Variants in TCEA1 observed in about 807,000 individuals in gnomAD.
TCEA1 encodes the protein transcription elongation factor A protein 1.
A neutral mutation model predicts 43.8 loss-of-function variants in TCEA1; 21 were observed. The ratio of observed to expected loss-of-function variants is 0.48; its 90% confidence interval spans 0.34 to 0.69. The LOEUF is 0.69. Among genes scored for constraint, TCEA1 ranks in the 30% least tolerant of loss-of-function variants. The pLI, the probability that TCEA1 is intolerant of heterozygous loss-of-function variation, is 0.01. For synonymous variants in TCEA1, 104 were observed against 117.5 expected, an observed-to-expected ratio of 0.88 and a Z score of 0.75; for missense variants, 250 against 365.1, an observed-to-expected ratio of 0.68 and a Z score of 2.57.
chr8:54,020,518 C>G (rs572696159), intron 1 of TCEA1, among the ~76,000 whole-genome samples: 2 of 152,318 alleles, frequency 1.3e-5, no homozygotes, highest in East Asian at 1.9e-4. Flanking sequence ...TGAAGTCTTA[C>G]GTATTTAGTG....
At chr8:53,972,318 G>A (rs1369812120) in intron 8 of TCEA1, 1 of 460,518 alleles carries the variant, frequency 2.2e-6, no homozygotes, top group Non-Finnish European at 4.2e-6. Context: ...AGAGGAGGAT[G>A]AAGAGAATGG....
At chr8:54,018,576 G>A (rs1293343558) in intron 1 of TCEA1, among the ~76,000 whole-genome samples, 1 of 152,178 alleles carries the variant, frequency 6.6e-6, no homozygotes, top group Non-Finnish European at 1.5e-5. Context: ...GCCAGGATTT[G>A]AACCCACATT....
chr8:54,000,788 TCA>T lies in TCEA1; in HGVS notation c.127-740_127-739del, dbSNP rs1386711155. Among the ~76,000 whole-genome samples, 3 of 147,104 alleles carry T rather than the reference TCA, an allele frequency of 2.0e-5. No homozygotes were observed. The East Asian group carries it at 5.9e-4, about 29-fold the overall frequency. On this transcript the variant is annotated intron_variant, in intron 2 of 9. Transcript: ENST00000521604. ...TTTTTTTTTTTTTTGAGACGGACTC[TCA>T]CTCTGTCACCCAGGCTGGAGTGCAG...
At chr8:53,997,390 G>A (rs1217812553) in intron 3 of TCEA1, among the ~76,000 whole-genome samples, 7 of 152,164 alleles carry the variant, frequency 4.6e-5, no homozygotes, top group Non-Finnish European at 8.8e-5. Context: ...TCTTAAAAGT[G>A]TCTCCCACAG....
At chr8:54,000,330 G>A (rs546143964) in intron 2 of TCEA1, among the ~76,000 whole-genome samples, 2 of 152,270 alleles carry the variant, frequency 1.3e-5, no homozygotes, top group African/African-American at 4.8e-5. Flanking sequence ...TTCCACAAGG[G>A]AGAAGTGAAG....
intron 8 of TCEA1, 76 bp downstream of exon 8, chr8:53,978,949 A>C (rs1419119912): frequency 1.4e-6 from 2 of 1,463,800 alleles, no homozygotes; most frequent in Non-Finnish European, 1.8e-6. Context: ...ACTGGTAATT[A>C]TCTTTGCTAT....
At chr8:54,009,478 A>G (rs1804581076) in intron 2 of TCEA1, among the ~76,000 whole-genome samples, 2 of 152,332 alleles carry the variant, frequency 1.3e-5, no homozygotes, top group South Asian at 2.1e-4. Flanking sequence ...ACACAATGAA[A>G]TACCATCAGT....
intron 8 of TCEA1, among the ~76,000 whole-genome samples, chr8:53,977,115 C>G (rs1405176606): frequency 6.6e-6 from 1 of 152,060 alleles, no homozygotes; most frequent in Non-Finnish European, 1.5e-5. Flanking sequence ...GTCAGGAGAT[C>G]GAGACCACCC....
chr8:54,018,941 T>C (rs1259777669), intron 1 of TCEA1, among the ~76,000 whole-genome samples: 1 of 152,206 alleles, frequency 6.6e-6, no homozygotes, highest in Non-Finnish European at 1.5e-5. Flanking sequence ...CAAAACAGAT[T>C]TAGATTCACA....
chr8:54,017,056 C>G (rs539452914), intron 1 of TCEA1, among the ~76,000 whole-genome samples: 10 of 150,790 alleles, frequency 6.6e-5, no homozygotes, highest in African/African-American at 2.4e-4. Flanking sequence ...TATAATTTCA[C>G]TGACAGAAAA....
Position 53,967,558 on chromosome 8 carries a change from G to A in TCEA1, c.*546C>T, listed in dbSNP as rs1434814950. 1.5e-5 allele frequency: 3 copies of A among 197,156 alleles called. No individual in the cohort carries two copies. Among genetic ancestry groups the A allele is most frequent in the African/African-American group, 2.3e-5 (1 of 43,266 alleles). The allele number at this position is 197,156 out of a possible 1,614,324, so 12.2% of individuals were successfully genotyped here. On this transcript the variant is annotated 3_prime_UTR_variant, in exon 10 of 10. Transcript: ENST00000521604. ...ATAATATCTAATATTCCAAGCTTGTGAACATAATAATTAAAATCAAATTCA... is the reference window on the plus strand; with the variant it reads ...ATAATATCTAATATTCCAAGCTTGTAAACATAATAATTAAAATCAAATTCA...
At chr8:53,974,709 A>G (rs1415985241) in intron 8 of TCEA1, among the ~76,000 whole-genome samples, 3 of 152,052 alleles carry the variant, frequency 2.0e-5, no homozygotes, top group African/African-American at 7.2e-5. Context: ...TTGTATTTTT[A>G]GTAGAGATGG....
chr8:54,008,985 G>T (rs1316881314), intron 2 of TCEA1, among the ~76,000 whole-genome samples: 1 of 151,492 alleles, frequency 6.6e-6, no homozygotes. Context: ...AAATAGCTGG[G>T]ACTACAGGTA....
intron 1 of TCEA1, among the ~76,000 whole-genome samples, chr8:54,021,246 A>G (rs1389605809): frequency 1.3e-5 from 2 of 152,206 alleles, no homozygotes; most frequent in East Asian, 3.8e-4. Flanking sequence ...TGAAAGTGCC[A>G]CACAAATGGG....
chr8:53,966,859 A>G lies in TCEA1; in HGVS notation c.*1245T>C, dbSNP rs940315380. 2.5e-5 allele frequency: 5 copies of G among 203,686 alleles called. No homozygotes were observed. Among genetic ancestry groups the G allele is most frequent in the African/African-American group, 4.6e-5 (2 of 43,574 alleles). The allele number at this position is 203,686 out of a possible 1,614,324, so 12.6% of individuals were successfully genotyped here. A position where few individuals can be genotyped will look rare whatever the true frequency, so the allele number is the denominator to read the frequency against. ...TGAGGTCTTTCTACGGGTGCCTGAC[A>G]GAATGCAGATTCAGCATAAAATGTA... On this transcript the variant is annotated 3_prime_UTR_variant, in exon 10 of 10. Coordinates refer to ENST00000521604, the MANE Select transcript of TCEA1 (RefSeq NM_006756.4).
intron 3 of TCEA1, among the ~76,000 whole-genome samples, chr8:53,998,711 C>G (rs1405136766): frequency 6.6e-6 from 1 of 152,120 alleles, no homozygotes; most frequent in Non-Finnish European, 1.5e-5. Flanking sequence ...GGCTAGGACC[C>G]TATGTACATT....
intron 1 of TCEA1, among the ~76,000 whole-genome samples, chr8:54,020,573 T>C (rs1162965738): frequency 1.3e-5 from 2 of 152,198 alleles, no homozygotes; most frequent in Non-Finnish European, 2.9e-5. Flanking sequence ...AAGCATGCTG[T>C]CCAGAAGAAA....
chr8:53,985,728 C>T (rs571687542), intron 6 of TCEA1, among the ~76,000 whole-genome samples: 2 of 152,308 alleles, frequency 1.3e-5, no homozygotes, highest in East Asian at 1.9e-4. Context: ...ACACACAGTA[C>T]CCCTCTCCTG....
intron 1 of TCEA1, among the ~76,000 whole-genome samples, chr8:54,010,740 T>C (rs577798036): frequency 1.4e-4 from 21 of 152,332 alleles, no homozygotes; most frequent in African/African-American, 4.8e-4. Context: ...ATGTACTATA[T>C]CTGGATAAAT....
Sources: gnomAD v4.1 joint callset for allele counts (sites outside exome capture counted in the v4.1 genomes callset) on GRCh38, gnomAD v4.1.1 for gene constraint, MANE v1.5 for transcripts, NCBI Gene and HGNC (gene_info 2026-07-23, HGNC 2026-07-21) for gene names.